Variants in MRPL38 observed in about 807,000 individuals in gnomAD.
MRPL38 encodes mitochondrial ribosomal protein L38.
Under a neutral mutation model 52.1 loss-of-function variants are expected in MRPL38, and 51 were observed. That is an observed-to-expected ratio of 0.98 (90% confidence interval 0.78 to 1.24). The LOEUF (loss-of-function observed/expected upper bound fraction) is 1.24, where lower values mean the gene tolerates loss of function less well. Among genes scored for constraint, MRPL38 ranks in the 50% most tolerant of loss-of-function variants. The pLI is 0.00. For synonymous variants in MRPL38, 245 were observed against 212.7 expected, an observed-to-expected ratio of 1.15 and a Z score of -1.32; for missense variants, 527 against 518.6, an observed-to-expected ratio of 1.02 and a Z score of -0.16.
At chr17:75,902,217 A>G (rs888930022) in intron 2 of MRPL38, 63 bp from the exon 3 acceptor site, 7 of 1,512,626 alleles carry the variant, frequency 4.6e-6, no homozygotes, top group East Asian at 2.5e-5. Flanking sequence ...AACCTCCCCA[A>G]CTCAGTCTCC....
At chr17:75,903,809 T>TCTGCCTCCTGGGTTCAAGCGATTCTC (rs1355968438) in intron 2 of MRPL38, among the ~76,000 whole-genome samples, 3 of 150,802 alleles carry the variant, frequency 2.0e-5, no homozygotes, top group African/African-American at 7.3e-5. Flanking sequence ...CACCGCAACC[T>TCTGCCTCCTGGGTTCAAGCGATTCTC]CTGCCTCCTG....
chr17:75,902,738 T>C (rs2065410522), intron 2 of MRPL38, among the ~76,000 whole-genome samples: 1 of 152,208 alleles, frequency 6.6e-6, no homozygotes, highest in Admixed American at 6.5e-5. Context: ...GTGTTTTTCT[T>C]TGAGACAGAA....
intron 2 of MRPL38, 169 bp downstream of exon 2, chr17:75,904,371 T>C: frequency 2.6e-6 from 2 of 769,738 alleles, no homozygotes; most frequent in Non-Finnish European, 4.6e-6. Flanking sequence ...TGAAAAATCC[T>C]GGGGTGATTA....
In MRPL38 at chr17:75,904,722, G is replaced by A; in HGVS notation, c.68-3C>T. ...GGGTGTCCGGCGGCCCAGGACGGCT[G>A]CGGGCAGAGAGAAGACGTAAGGCCG... On this transcript the variant is annotated splice_region_variant and splice_polypyrimidine_tract_variant and intron_variant, in intron 1 of 8. Coordinates refer to ENST00000309352, the MANE Select transcript of MRPL38 (RefSeq NM_032478.4). The A allele has an allele frequency of 6.4e-7, 1 of 1,573,226 alleles. No individual in the cohort carries two copies. Among genetic ancestry groups the A allele is most frequent in the African/African-American group, 1.4e-5 (1 of 72,854 alleles).
At position 75,904,810 on chromosome 17, in the gene MRPL38, C is replaced by T. The variant is rs774557237; in HGVS notation, c.66G>A (p.Ser22=). 1.3e-6 allele frequency: 2 copies of T among 1,519,732 alleles called. No homozygotes were observed. Among genetic ancestry groups the T allele is most frequent in the Non-Finnish European group, 1.8e-6 (2 of 1,140,070 alleles). The allele number at this position is 1,519,732 out of a possible 1,614,324, so 94.1% of individuals were successfully genotyped here. ...CCCGCAGAGCTGCCCACCCCTCACC[C>T]GAGGTGCTGAAGCCCCGCCATCTCC... ...ECRRWRGFST[S]AVLGRRTPPL... Residue 22 remains serine, a splice_region_variant and synonymous_variant, in exon 1 of 9, where the codon TCG becomes TCA. Transcript: ENST00000309352.
intron 2 of MRPL38, chr17:75,904,189 C>G: frequency 2.0e-6 from 1 of 505,834 alleles, no homozygotes; most frequent in South Asian, 1.6e-5. Context: ...GGAGAGGCAG[C>G]GCACAGTCAG....
At chr17:75,899,335 C>T in intron 7 of MRPL38, 41 bp from the exon 8 acceptor site, 1 of 1,598,936 alleles carries the variant, frequency 6.3e-7, no homozygotes, top group Non-Finnish European at 8.5e-7. Flanking sequence ...TGGAGTGGGG[C>T]ACCAGAGCCC....
chr17:75,902,880 C>T (rs1366179952), intron 2 of MRPL38, among the ~76,000 whole-genome samples: 1 of 152,152 alleles, frequency 6.6e-6, no homozygotes, highest in Non-Finnish European at 1.5e-5. Flanking sequence ...TGCCACCATG[C>T]CCGACTAATT....
chr17:75,904,194 A>G (rs570139747), intron 2 of MRPL38: 36 of 511,922 alleles, frequency 7.0e-5, no homozygotes, highest in African/African-American at 6.6e-4. Flanking sequence ...GGCAGCGCAC[A>G]GTCAGAATGC....
intron 2 of MRPL38, 148 bp from the exon 3 acceptor site, chr17:75,902,302 C>T (rs2065408790): frequency 2.3e-6 from 2 of 854,690 alleles, no homozygotes; most frequent in Non-Finnish European, 3.6e-6. Flanking sequence ...CAGGGTTTTG[C>T]CACATTGCCC....
Position 75,898,720 on chromosome 17 carries a change from G to A in MRPL38, c.*130C>T. 9.0e-7 allele frequency: 1 copy of A among 1,109,976 alleles called. No individual in the cohort carries two copies. Among genetic ancestry groups the A allele is most frequent in the South Asian group, 1.4e-5 (1 of 69,114 alleles). The allele number at this position is 1,109,976 out of a possible 1,614,324, so 68.8% of individuals were successfully genotyped here. Reference sequence around the variant, plus strand: ...CACTTTCACTCCAAGCCCTGGGCCTGACGGGAGGGGGCCAAAGAGGGGGGC... The same window carrying A: ...CACTTTCACTCCAAGCCCTGGGCCTAACGGGAGGGGGCCAAAGAGGGGGGC... On this transcript the variant is annotated 3_prime_UTR_variant, in exon 9 of 9. Transcript: ENST00000309352.
Position 75,904,794 on chromosome 17 carries a change from C to G in MRPL38, c.67+15G>C. 2 of 1,318,158 alleles carry G rather than the reference C, an allele frequency of 1.5e-6. No homozygotes were observed. The highest frequency in any genetic ancestry group is 2.0e-6 in the Non-Finnish European group (2 of 1,011,064). 81.7% of individuals were successfully genotyped at this position (1,318,158 alleles called of 1,614,324 possible). A position where few individuals can be genotyped will look rare whatever the true frequency, so the allele number is the denominator to read the frequency against. On this transcript the variant is annotated intron_variant, in intron 1 of 8. Transcript: ENST00000309352. ...AGCCCCCCCCCCCCCCCCCGCAGAGCTGCCCACCCCTCACCCGAGGTGCTG... is the reference window on the plus strand; with the variant it reads ...AGCCCCCCCCCCCCCCCCCGCAGAGGTGCCCACCCCTCACCCGAGGTGCTG...
chr17:75,904,587 G>A lies in MRPL38; in HGVS notation c.200C>T (p.Ala67Val). 6.3e-7 allele frequency: 1 copy of A among 1,586,136 alleles called. No homozygotes were observed. ...TCGGTAGGTCCGCCACCAGTGCGGGGCCTGCGCCTCCTGCTCTGCTCGGCG... is the reference window on the plus strand; with the variant it reads ...TCGGTAGGTCCGCCACCAGTGCGGGACCTGCGCCTCCTGCTCTGCTCGGCG... ...YRRRAEQEAQ[A>V]PHWWRTYREY... The change falls in exon 2 of 9, where the codon GCC (alanine) becomes GTC (valine). Residue 67 changes from alanine (A) to valine (V), a missense_variant. By Grantham distance (64) the Ala-to-Val change is moderately conservative (BLOSUM62 0). Transcript: ENST00000309352.
chr17:75,898,907 G>C lies in MRPL38; in HGVS notation c.1086C>G (p.Pro362=), dbSNP rs186214172. The stretch of plus-strand genomic sequence containing the variant: ...CCCTGTACCGGTCCAGGTAGCGCAG[G>C]GGCTGCCGGTGGGGGAAGCGCTTCT... ...PKQKRFPHRQ[P]LRYLDRYRDS... The change falls in exon 9 of 9, where the codon CCC becomes CCG. Residue 362 remains proline, a synonymous_variant. Transcript: ENST00000309352. 5.8e-5 allele frequency: 93 copies of C among 1,611,452 alleles called. No individual in the cohort carries two copies. The East Asian group carries it at 1.9e-3, about 33-fold the overall frequency.
At position 75,904,680 on chromosome 17, in the gene MRPL38, G is replaced by T. The variant is rs766949270; in HGVS notation, c.107C>A (p.Pro36His). 6.3e-7 allele frequency: 1 copy of T among 1,596,984 alleles called. No individual in the cohort carries two copies. The highest frequency in any genetic ancestry group is 1.3e-5 in the African/African-American group (1 of 74,726). Residue 36 changes from proline (P) to histidine (H), a missense_variant, in exon 2 of 9, where the codon CCC becomes CAC. Coordinates refer to ENST00000309352, the MANE Select transcript of MRPL38 (RefSeq NM_032478.4). ...GRRTPPLGPM[P>H]NSDIDLSNLE... is the part of the protein sequence containing the mutation. ...GTTGCTCAAGTCGATGTCACTGTTGGGCATCGGCCCCAGCGGGGGTGTCCG... is the reference window on the plus strand; with the variant it reads ...GTTGCTCAAGTCGATGTCACTGTTGTGCATCGGCCCCAGCGGGGGTGTCCG...
chr17:75,902,008 G>C lies in MRPL38; in HGVS notation c.382+12C>G, dbSNP rs540394556. ...CCAACTCTGGGATGGCCCCTCCCCT[G>C]AGAAGGCTTACCTGTGCGGAGGCGG... On this transcript the variant is annotated intron_variant, in intron 3 of 8. Transcript: ENST00000309352. 3 of 1,613,328 alleles carry C rather than the reference G, an allele frequency of 1.9e-6. No individual in the cohort carries two copies. In the Admixed American group the frequency reaches 5.0e-5, roughly 27 times the overall value.
chr17:75,901,407 A>T lies in MRPL38; in HGVS notation c.592-134T>A, dbSNP rs988057492. On this transcript the variant is annotated intron_variant, in intron 4 of 8. Coordinates refer to ENST00000309352, the MANE Select transcript of MRPL38 (RefSeq NM_032478.4). The surrounding 1 kb of genome is among the most constrained non-coding windows in gnomAD (Gnocchi z 5.7). ...CTGGCACAGGCAGGCAGGCAAAGGG[A>T]TGCGTAGAGAAGCAGCCCTGCAGAG... 2.3e-6 allele frequency: 2 copies of T among 872,812 alleles called. No individual in the cohort carries two copies. The highest frequency in any genetic ancestry group is 3.7e-6 in the Non-Finnish European group (2 of 546,416). 54.1% of individuals were successfully genotyped at this position (872,812 alleles called of 1,614,324 possible).
intron 6 of MRPL38, chr17:75,900,770 T>C (rs2065400292): frequency 7.3e-7 from 1 of 1,374,478 alleles, no homozygotes; most frequent in Non-Finnish European, 9.4e-7. Flanking sequence ...TTGTGGGGAC[T>C]GACCGAGGCC....
At chr17:75,904,178 G>C in intron 2 of MRPL38, 1 of 494,226 alleles carries the variant, frequency 2.0e-6, no homozygotes. Flanking sequence ...TTACAATCTG[G>C]GGAGAGGCAG....
Sources: allele counts gnomAD v4.1 joint callset (sites outside exome capture counted in the v4.1 genomes callset), GRCh38; gene constraint gnomAD v4.1.1; non-coding constraint Gnocchi (gnomAD v3.1); transcripts MANE v1.5; gene names NCBI Gene and HGNC (gene_info 2026-07-23, HGNC 2026-07-21).